The following AOPEP variants were observed in gnomAD, a reference collection of about 807,000 sequenced individuals.
AOPEP encodes aminopeptidase O (putative).
In AOPEP, 77 loss-of-function variants were observed where a neutral mutation model predicts 98.1. The ratio of observed to expected loss-of-function variants is 0.78; its 90% CI spans 0.65 to 0.95. The LOEUF (loss-of-function observed/expected upper bound fraction) is 0.95. Among genes scored for constraint, AOPEP ranks in the 40% least tolerant of loss-of-function variants. The pLI is 0.00. For synonymous variants in AOPEP, 346 were observed against 365.3 expected, an observed-to-expected ratio of 0.95 and a Z score of 0.60; for missense variants, 1,024 against 1,024.7, an observed-to-expected ratio of 1.00 and a Z score of 0.01.
intron 13 of AOPEP, chr9:95,006,032 GAGA>G (rs754538780): frequency 3.9e-4 from 187 of 474,026 alleles, no homozygotes; most frequent in South Asian, 2.7e-3. Context: ...GAAATAGAGA[GAGA>G]AGAAGAAAGA....
Position 94,979,159 on chromosome 9 carries a change from G to A in AOPEP, c.1917-208G>A, listed in dbSNP as rs540942104. Among the ~76,000 whole-genome samples, 6 of 152,220 alleles carry A rather than the reference G, an allele frequency of 3.9e-5. No homozygotes were observed. In the East Asian group the frequency reaches 5.8e-4, roughly 15 times the overall value. The stretch of plus-strand genomic sequence containing the variant: ...TGTGCCTGGGTCCTTAGATTTCATC[G>A]TGCATGTTGCTGTGGGTGAAGAGGA... On this transcript the variant is annotated intron_variant, in intron 10 of 16. Coordinates refer to ENST00000375315, the MANE Select transcript of AOPEP (RefSeq NM_001193329.3).
intron 5 of AOPEP, among the ~76,000 whole-genome samples, chr9:94,828,947 C>T (rs1435758260): frequency 6.6e-6 from 1 of 151,756 alleles, no homozygotes; most frequent in Non-Finnish European, 1.5e-5. Context: ...CGACTCACTG[C>T]AACCTCTGCC....
intron 5 of AOPEP, among the ~76,000 whole-genome samples, chr9:94,809,669 C>G (rs1482947082): frequency 6.6e-6 from 1 of 152,122 alleles, no homozygotes; most frequent in African/African-American, 2.4e-5. Flanking sequence ...GTTTATAGAC[C>G]TCTTTTTGAG....
intron 5 of AOPEP, among the ~76,000 whole-genome samples, chr9:94,830,084 TTTGTTACATAGG>T (rs1855609313): frequency 6.6e-6 from 1 of 152,208 alleles, no homozygotes; most frequent in South Asian, 2.1e-4. Flanking sequence ...GATGTGCAGG[TTTGTTACATAGG>T]TAAACGTGTG....
At chr9:94,929,839 A>G (rs2055005469) in intron 7 of AOPEP, among the ~76,000 whole-genome samples, 1 of 152,228 alleles carries the variant, frequency 6.6e-6, no homozygotes, top group Non-Finnish European at 1.5e-5. Flanking sequence ...GGCGGCGCAT[A>G]AGGAGGTGGG....
At chr9:95,005,874 T>C (rs1388441823) in intron 13 of AOPEP, 1 of 564,830 alleles carries the variant, frequency 1.8e-6, no homozygotes, top group Non-Finnish European at 3.2e-6. Flanking sequence ...CTTAAGTGGG[T>C]TCCATTATTA....
chr9:94,894,085 T>C (rs978792460), intron 5 of AOPEP, among the ~76,000 whole-genome samples: 2 of 152,130 alleles, frequency 1.3e-5, no homozygotes, highest in Admixed American at 1.3e-4. Context: ...TAGAAAACAA[T>C]ATATAGCTCA....
At chr9:94,741,454 G>A (rs1356510200) in intron 1 of AOPEP, among the ~76,000 whole-genome samples, 1 of 151,876 alleles carries the variant, frequency 6.6e-6, no homozygotes, top group African/African-American at 2.4e-5. Context: ...TGTATTTTTA[G>A]TAGAGACTGG....
At chr9:94,926,691 C>T (rs1322776158) in intron 6 of AOPEP, among the ~76,000 whole-genome samples, 1 of 151,892 alleles carries the variant, frequency 6.6e-6, no homozygotes, top group African/African-American at 2.4e-5. Context: ...CAGCAGGCCC[C>T]ACCCGGGAGC....
intron 5 of AOPEP, among the ~76,000 whole-genome samples, chr9:94,909,969 G>A (rs532049205): frequency 1.3e-5 from 2 of 152,226 alleles, no homozygotes; most frequent in African/African-American, 4.8e-5. Context: ...GGGGATTCCA[G>A]AACCAGCCCC....
At chr9:94,907,069 C>G (rs776376517) in intron 5 of AOPEP, among the ~76,000 whole-genome samples, 1 of 152,024 alleles carries the variant, frequency 6.6e-6, no homozygotes, top group African/African-American at 2.4e-5. Flanking sequence ...GTTTCTCACC[C>G]GAAGGGAACA....
At chr9:94,871,375 G>A (rs947488941) in intron 5 of AOPEP, among the ~76,000 whole-genome samples, 7 of 152,080 alleles carry the variant, frequency 4.6e-5, no homozygotes, top group Admixed American at 1.3e-4. Flanking sequence ...ATCTGAGTGC[G>A]GGACATACCA....
chr9:94,833,149 T>A (rs7037652), intron 5 of AOPEP, among the ~76,000 whole-genome samples: 117,052 of 149,804 alleles, frequency 0.78, 47,224 homozygotes, highest in Non-Finnish European at 0.89. Flanking sequence ...TTGGCCAGGC[T>A]GGTCTTGAAC....
intron 3 of AOPEP, among the ~76,000 whole-genome samples, chr9:94,780,772 A>G (rs1227350891): frequency 6.6e-6 from 1 of 152,244 alleles, no homozygotes; most frequent in Non-Finnish European, 1.5e-5. Flanking sequence ...CTTTAAAACG[A>G]TGAGCTATCT....
intron 3 of AOPEP, among the ~76,000 whole-genome samples, chr9:94,779,761 G>A (rs755539605): frequency 3.3e-5 from 5 of 151,838 alleles, no homozygotes; most frequent in Non-Finnish European, 5.9e-5. Context: ...TGGTGCTGAC[G>A]GCTCCATGCA....
intron 10 of AOPEP, among the ~76,000 whole-genome samples, chr9:94,977,204 G>A (rs750927028): frequency 6.6e-6 from 1 of 152,208 alleles, no homozygotes; most frequent in Admixed American, 6.5e-5. Context: ...AGGCTGCCCA[G>A]TGGAAGGCCT....
chr9:95,063,738 G>T (rs1187733106), intron 14 of AOPEP, among the ~76,000 whole-genome samples: 7 of 152,210 alleles, frequency 4.6e-5, no homozygotes, highest in African/African-American at 1.4e-4. Context: ...AGGACTCCGA[G>T]ATTGGATTGG....
chr9:95,130,341 G>A, the AOPEP span, among the ~76,000 whole-genome samples: 503 of 152,082 alleles, frequency 3.3e-3, 9 homozygotes, highest in East Asian at 0.043. Flanking sequence ...AAAGGAGAGG[G>A]ACAGAAAACA....
At chr9:94,835,222 C>CA (rs1174293575) in intron 5 of AOPEP, among the ~76,000 whole-genome samples, 1 of 152,122 alleles carries the variant, frequency 6.6e-6, no homozygotes. Context: ...ATTGGTTGGA[C>CA]AAGAGTCTAG....
Sources: allele counts gnomAD v4.1 joint callset (sites outside exome capture counted in the v4.1 genomes callset), GRCh38; gene constraint gnomAD v4.1.1; transcripts MANE v1.5; gene names NCBI Gene and HGNC (gene_info 2026-07-23, HGNC 2026-07-21).